Variants in CDK15 observed in about 807,000 individuals in gnomAD.
CDK15 encodes the protein cyclin dependent kinase 15, also known as cyclin-dependent kinase 15.
Under a neutral mutation model 60.3 loss-of-function variants are expected in CDK15, and 62 were observed. The observed-to-expected ratio is 1.03, with a 90% CI of 0.84 to 1.27. The LOEUF (loss-of-function observed/expected upper bound fraction) is 1.27. CDK15 is among the 50% of genes most tolerant of loss of function. The pLI is 0.00. For missense variants in CDK15, 541 were observed against 527.8 expected, an observed-to-expected ratio of 1.03 and a Z score of -0.25; for synonymous variants, 194 against 195.7, an observed-to-expected ratio of 0.99 and a Z score of 0.07.
chr2:201,833,716 CTTTTT>C, intron 6 of CDK15, 127 bp from the exon 7 acceptor site: 31 of 170,266 alleles, frequency 1.8e-4, no homozygotes, highest in Non-Finnish European at 2.4e-4. Flanking sequence ...TCTTCTTCTT[CTTTTT>C]TTTTTTTTTT....
At chr2:201,821,765 G>A (rs1696229793) in intron 4 of CDK15, among the ~76,000 whole-genome samples, 1 of 152,280 alleles carries the variant, frequency 6.6e-6, no homozygotes, top group Non-Finnish European at 1.5e-5. Context: ...CCACCTCCCA[G>A]GTTCAAGTGA....
At chr2:201,892,917 T>A (rs1420959034) in intron 13 of CDK15, among the ~76,000 whole-genome samples, 1 of 152,196 alleles carries the variant, frequency 6.6e-6, no homozygotes, top group African/African-American at 2.4e-5. Flanking sequence ...AATGTCGGTT[T>A]CAGGCAGGGA....
intron 8 of CDK15, among the ~76,000 whole-genome samples, chr2:201,845,471 GCCA>G (rs896773732): frequency 1.3e-5 from 2 of 151,718 alleles, no homozygotes; most frequent in Non-Finnish European, 2.9e-5. Context: ...TGTTTGTCAG[GCCA>G]GGCACAGTGG....
intron 4 of CDK15, among the ~76,000 whole-genome samples, chr2:201,816,636 C>G (rs1696010999): frequency 6.6e-6 from 1 of 151,860 alleles, no homozygotes. Flanking sequence ...GATTTATTTT[C>G]CTTTGGGTAT....
At chr2:201,875,841 T>A (rs1171560632) in intron 11 of CDK15, among the ~76,000 whole-genome samples, 1 of 152,230 alleles carries the variant, frequency 6.6e-6, no homozygotes, top group South Asian at 2.1e-4. Context: ...AGTGATGGGC[T>A]AGTCATAATT....
intron 10 of CDK15, among the ~76,000 whole-genome samples, chr2:201,870,255 A>G (rs911634925): frequency 6.6e-6 from 1 of 152,082 alleles, no homozygotes; most frequent in East Asian, 1.9e-4. Context: ...TGTAACCACC[A>G]CCACTATCTA....
intron 8 of CDK15, among the ~76,000 whole-genome samples, chr2:201,841,992 T>C (rs1228814558): frequency 6.6e-6 from 1 of 152,250 alleles, no homozygotes; most frequent in African/African-American, 2.4e-5. Context: ...TGTTAAAATA[T>C]ACATAAAATT....
intron 12 of CDK15, among the ~76,000 whole-genome samples, chr2:201,880,631 G>T (rs1699242401): frequency 6.6e-6 from 1 of 152,228 alleles, no homozygotes; most frequent in South Asian, 2.1e-4. Context: ...AGCTGCAGAA[G>T]GCAGTGCCGG....
At chr2:201,863,912 CA>C (rs1402654253) in intron 10 of CDK15, among the ~76,000 whole-genome samples, 2 of 152,118 alleles carry the variant, frequency 1.3e-5, no homozygotes, top group African/African-American at 4.8e-5. Flanking sequence ...ACAACAACAA[CA>C]ACAAAAGAAA....
intron 12 of CDK15, chr2:201,888,854 T>C: frequency 9.4e-7 from 1 of 1,063,826 alleles, no homozygotes; most frequent in South Asian, 3.6e-5. Context: ...GTTCCCCAAA[T>C]GGTTTGGATT....
chr2:201,834,722 G>A (rs1696932772), intron 7 of CDK15, among the ~76,000 whole-genome samples: 1 of 152,160 alleles, frequency 6.6e-6, no homozygotes, highest in South Asian at 2.1e-4. Flanking sequence ...ATAAGTACTT[G>A]TTGAAAAACT....
intron 8 of CDK15, among the ~76,000 whole-genome samples, chr2:201,846,897 A>G (rs573428886): frequency 6.6e-6 from 1 of 152,342 alleles, no homozygotes; most frequent in South Asian, 2.1e-4. Flanking sequence ...CAAGTATGCT[A>G]TATGAGAAAA....
At chr2:201,886,266 G>T (rs115079384) in intron 12 of CDK15, among the ~76,000 whole-genome samples, 3,039 of 151,588 alleles carry the variant, frequency 0.02, 37 homozygotes, top group South Asian at 0.03. Context: ...TCTTACTTTA[G>T]TTTATTTTCT....
At chr2:201,812,287 A>G (rs943789668) in intron 3 of CDK15, among the ~76,000 whole-genome samples, 196 bp from the exon 4 acceptor site, 6 of 152,084 alleles carry the variant, frequency 3.9e-5, no homozygotes, top group Non-Finnish European at 5.9e-5. Context: ...TCACTTTAGT[A>G]AAGAGGGAAA....
chr2:201,858,164 C>A (rs1222557988), intron 10 of CDK15, among the ~76,000 whole-genome samples: 1 of 152,178 alleles, frequency 6.6e-6, no homozygotes, highest in Non-Finnish European at 1.5e-5. Context: ...ATTTGTACAG[C>A]TTTTAAAAAG....
intron 4 of CDK15, among the ~76,000 whole-genome samples, chr2:201,821,964 C>G (rs553244292): frequency 2.2e-4 from 33 of 152,318 alleles, no homozygotes; most frequent in African/African-American, 7.5e-4. Context: ...CACAAGCATG[C>G]GCTACCACGC....
chr2:201,866,208 G>C lies in CDK15; in HGVS notation c.1010-6070G>C, dbSNP rs530885047. Among the ~76,000 whole-genome samples the C allele has an allele frequency of 2.6e-4, 39 of 152,192 alleles. 1 individual carries two copies. Among genetic ancestry groups the C allele is most frequent in the Non-Finnish European group, 4.9e-4 (33 of 68,008 alleles). The stretch of plus-strand genomic sequence containing the variant: ...TGCATTGTATTCAGGAAATTCCAGA[G>C]GTGTAGTTCAGTAGACAGCACTATA... On this transcript the variant is annotated intron_variant, in intron 10 of 13. Coordinates refer to ENST00000652192, the MANE Select transcript of CDK15 (RefSeq NM_001366386.2).
intron 11 of CDK15, among the ~76,000 whole-genome samples, chr2:201,878,406 A>G (rs1305988089): frequency 6.6e-6 from 1 of 152,014 alleles, no homozygotes; most frequent in East Asian, 1.9e-4. Flanking sequence ...TGTAGGTACC[A>G]CAGATCCCTG....
chr2:201,890,762 C>A, intron 12 of CDK15, 23 bp from the exon 13 acceptor site: 1 of 1,542,432 alleles, frequency 6.5e-7, no homozygotes, highest in Non-Finnish European at 8.9e-7. Flanking sequence ...CATATTGGTG[C>A]TTCTCTCTTT....
Sources: gnomAD v4.1 joint callset for allele counts (sites outside exome capture counted in the v4.1 genomes callset) on GRCh38, gnomAD v4.1.1 for gene constraint, MANE v1.5 for transcripts, NCBI Gene and HGNC (gene_info 2026-07-23, HGNC 2026-07-21) for gene names.